TRIM37: variants seen among roughly 807,000 people sequenced by gnomAD.
TRIM37 encodes E3 ubiquitin-protein ligase TRIM37.
TRIM37 carries 80 observed loss-of-function variants against 129.8 expected under a neutral mutation model. That is an observed-to-expected ratio of 0.62 (90% CI 0.51 to 0.74). The LOEUF (loss-of-function observed/expected upper bound fraction) is 0.74, where lower values mean the gene tolerates loss of function less well. Ranked by LOEUF, TRIM37 falls within the 30% of genes least tolerant of loss-of-function variation. The pLI is 0.00. For missense variants in TRIM37, 1,054 were observed against 1,176.5 expected, an observed-to-expected ratio of 0.90 and a Z score of 1.52; for synonymous variants, 389 against 387.1, an observed-to-expected ratio of 1.00 and a Z score of -0.06.
intron 16 of TRIM37, among the ~76,000 whole-genome samples, chr17:59,042,430 T>TA (rs2039284587): frequency 8.7e-5 from 8 of 92,122 alleles, no homozygotes; most frequent in African/African-American, 4.4e-4. Context: ...AAAAAGGAAT[T>TA]TAAAAAAAAA....
At chr17:59,050,414 C>T (rs2040222581) in intron 14 of TRIM37, among the ~76,000 whole-genome samples, 1 of 152,128 alleles carries the variant, frequency 6.6e-6, no homozygotes, top group South Asian at 2.1e-4. Flanking sequence ...ATTTACAGAC[C>T]AGGCACAGTG....
chr17:59,056,850 C>G, intron 13 of TRIM37, 25 bp downstream of exon 13: 1 of 1,542,398 alleles, frequency 6.5e-7, no homozygotes, highest in Non-Finnish European at 8.8e-7. Context: ...CAATAAAAAC[C>G]ACAACATCAA....
At chr17:59,021,145 A>G (rs2036553132) in intron 19 of TRIM37, among the ~76,000 whole-genome samples, 1 of 152,192 alleles carries the variant, frequency 6.6e-6, no homozygotes, top group African/African-American at 2.4e-5. Flanking sequence ...TAATCTCAGC[A>G]CTTTGTAAGC....
intron 8 of TRIM37, among the ~76,000 whole-genome samples, chr17:59,075,175 T>C (rs777344168): frequency 2.7e-4 from 41 of 152,046 alleles, no homozygotes; most frequent in Non-Finnish European, 4.9e-4. Flanking sequence ...AATCAGCTGA[T>C]TCCTAATTTC....
chr17:58,970,753 C>T, the TRIM37 span, among the ~76,000 whole-genome samples: 3 of 151,982 alleles, frequency 2.0e-5, no homozygotes, highest in African/African-American at 7.3e-5. Context: ...GAGAATAAAG[C>T]CACTCTTGAC....
At chr17:59,006,606 G>A (rs2034512807) in intron 22 of TRIM37, among the ~76,000 whole-genome samples, 1 of 152,120 alleles carries the variant, frequency 6.6e-6, no homozygotes, top group South Asian at 2.1e-4. Flanking sequence ...GACTTGGCTG[G>A]CTGGGTGCGC....
At chr17:58,973,708 T>G in the TRIM37 span, among the ~76,000 whole-genome samples, 5 of 151,460 alleles carry the variant, frequency 3.3e-5, no homozygotes, top group East Asian at 9.8e-4. Flanking sequence ...TTCCCAGCAC[T>G]TTGGGAGGCT....
chr17:59,051,223 GTTGT>G lies in TRIM37; in HGVS notation c.1301_1304del (p.Asn434ThrfsTer57), dbSNP rs1568098303. The G allele has an allele frequency of 1.2e-6, 2 of 1,601,164 alleles. No individual in the cohort carries two copies. The highest frequency in any genetic ancestry group is 1.3e-5 in the African/African-American group (1 of 74,710). ...ATAGATATTTTCTTACCTCTTTAAG[GTTGT>G]TTATTTGTTGGATATAACTAGTCTG... is the stretch of plus-strand genomic sequence containing the variant. On this transcript the variant is annotated frameshift_variant, in exon 14 of 24. Transcript: ENST00000262294. LOFTEE classifies it high-confidence loss of function.
intron 22 of TRIM37, among the ~76,000 whole-genome samples, chr17:59,009,855 G>A (rs1242231136): frequency 6.6e-6 from 1 of 152,204 alleles, no homozygotes; most frequent in African/African-American, 2.4e-5. Context: ...ACCATGTAGA[G>A]TTATTCTGAG....
intron 12 of TRIM37, 113 bp from the exon 13 acceptor site, chr17:59,057,167 A>T: frequency 1.2e-6 from 1 of 848,464 alleles, no homozygotes; most frequent in Non-Finnish European, 1.9e-6. Context: ...CCTTATTGAT[A>T]TACGCAGTTA....
intron 5 of TRIM37, among the ~76,000 whole-genome samples, chr17:59,083,020 G>C (rs1399249622): frequency 6.6e-6 from 1 of 152,148 alleles, no homozygotes; most frequent in Non-Finnish European, 1.5e-5. Flanking sequence ...AATTCTTATA[G>C]CAACTCTAGA....
chr17:59,069,185 A>G (rs1312485664), intron 9 of TRIM37, among the ~76,000 whole-genome samples: 1 of 151,934 alleles, frequency 6.6e-6, no homozygotes, highest in African/African-American at 2.4e-5. Flanking sequence ...CGTCTCTACT[A>G]AAAATACAAA....
chr17:59,075,478 G>A (rs2042729946), intron 8 of TRIM37, among the ~76,000 whole-genome samples, 169 bp downstream of exon 8: 3 of 150,434 alleles, frequency 2.0e-5, no homozygotes, highest in Admixed American at 2.0e-4. Context: ...GCAGGAGAAT[G>A]GTGTGAACCC....
At chr17:59,105,811 T>C (rs538606386) in intron 1 of TRIM37, among the ~76,000 whole-genome samples, 76 of 152,344 alleles carry the variant, frequency 5.0e-4, no homozygotes, top group Non-Finnish European at 1.0e-3. Flanking sequence ...CCTATTTCAG[T>C]ATCTGAAAGG....
chr17:59,012,992 T>A (rs2035493975), intron 21 of TRIM37, among the ~76,000 whole-genome samples: 1 of 152,176 alleles, frequency 6.6e-6, no homozygotes, highest in Non-Finnish European at 1.5e-5. Flanking sequence ...TGCAAAATGT[T>A]ATCATTAGGG....
At chr17:59,037,369 T>C (rs2038643404) in intron 17 of TRIM37, among the ~76,000 whole-genome samples, 1 of 151,122 alleles carries the variant, frequency 6.6e-6, no homozygotes, top group South Asian at 2.1e-4. Flanking sequence ...CCATCCTGGC[T>C]AACACGGTGA....
rs541853467 is a variant in TRIM37 at position 59,051,214 on chromosome 17, C to G, written c.1314G>C (p.Glu438Asp). The stretch of plus-strand genomic sequence containing the variant: ...AAAACAGAAATAGATATTTTCTTAC[C>G]TCTTTAAGGTTGTTTATTTGTTGGA... ...SYIQQINNLK[E>D]RLTIELSRTQ... The change falls in exon 14 of 24, where the codon GAG becomes GAC. Residue 438 changes from glutamate to aspartate, a missense_variant and splice_region_variant. This residue lies in a region of TRIM37 where 752 missense variants were observed against 870.8 expected (regional missense o/e 0.86). Transcript: ENST00000262294. The G allele has an allele frequency of 1.3e-6, 2 of 1,587,036 alleles. No individual in the cohort carries two copies. The highest frequency in any genetic ancestry group is 1.7e-6 in the Non-Finnish European group (2 of 1,155,906).
At position 59,032,004 on chromosome 17, in the gene TRIM37, T is replaced by C; in HGVS notation, c.1840A>G (p.Ile614Val). Residue 614 changes from isoleucine (I) to valine (V), a missense_variant, in exon 18 of 24, where the codon ATT (isoleucine) becomes GTT (valine). Physicochemically the swap from Ile to Val is conservative, Grantham distance 29. Around this residue, in one of 3 missense-constraint regions of TRIM37, gnomAD observed 752 missense variants for 870.8 expected, o/e 0.86. Transcript: ENST00000262294. ...CSAATSSLLD[I>V]DPLILIHLLD... ...AAATGTATTAAAATTAATGGATCAA[T>C]GTCTAGTAAACTACTGGTAGCAGCG... The C allele has an allele frequency of 6.2e-7, 1 of 1,614,224 alleles. No individual in the cohort carries two copies. The highest frequency in any genetic ancestry group is 8.5e-7 in the Non-Finnish European group (1 of 1,180,042).
chr17:59,075,180 A>C (rs2042697949), intron 8 of TRIM37, among the ~76,000 whole-genome samples: 1 of 152,148 alleles, frequency 6.6e-6, no homozygotes, highest in Admixed American at 6.5e-5. Flanking sequence ...GCTGATTCCT[A>C]ATTTCATAAA....
Sources: allele counts gnomAD v4.1 joint callset (sites outside exome capture counted in the v4.1 genomes callset), GRCh38; gene constraint gnomAD v4.1.1; regional missense constraint gnomAD v4.1.1; transcripts MANE v1.5; gene names NCBI Gene and HGNC (gene_info 2026-07-23, HGNC 2026-07-21).